The following CHD7 variants were observed in gnomAD, a reference collection of about 807,000 sequenced individuals.
CHD7 encodes the protein ATP-dependent chromatin remodeler CHD7.
In CHD7, 24 loss-of-function variants were observed where a neutral mutation model predicts 307.3. The observed-to-expected ratio is 0.08, with a 90% CI of 0.06 to 0.11. CHD7 has a LOEUF of 0.11. Ranked by LOEUF, CHD7 falls within the 10% of genes least tolerant of loss-of-function variation. The probability of loss-of-function intolerance (pLI) is 1.00; values close to 1 mark genes in which losing one functional copy is unlikely to be tolerated. For missense variants in CHD7, 3,106 were observed against 3,727.1 expected (o/e 0.83, Z 4.34); for synonymous variants, 1,363 against 1,349.9 (o/e 1.01, Z -0.21).
chr8:60,810,974 G>A (rs76265220), intron 7 of CHD7, among the ~76,000 whole-genome samples: 1 of 152,162 alleles, frequency 6.6e-6, no homozygotes, highest in African/African-American at 2.4e-5. Flanking sequence ...GTGAACTCTG[G>A]TTGTGAACTG....
At chr8:60,849,208 T>C in intron 25 of CHD7, 54 bp downstream of exon 25, 1 of 1,118,630 alleles carries the variant, frequency 8.9e-7, no homozygotes, top group Non-Finnish European at 1.3e-6. Context: ...GGTCTTTATT[T>C]AGAACTCTTT....
At chr8:60,779,999 G>C (rs1171462454) in intron 2 of CHD7, among the ~76,000 whole-genome samples, 1 of 152,232 alleles carries the variant, frequency 6.6e-6, no homozygotes, top group Non-Finnish European at 1.5e-5. Flanking sequence ...TTACATGCCA[G>C]AAGAAGCATA....
At chr8:60,690,196 T>TA (rs555574472) in intron 1 of CHD7, among the ~76,000 whole-genome samples, 153 of 145,738 alleles carry the variant, frequency 1.0e-3, no homozygotes, top group Middle Eastern at 3.5e-3. Flanking sequence ...GCCAGGGGAT[T>TA]AAAAAAAAAA....
At chr8:60,815,796 G>A (rs1425021544) in intron 7 of CHD7, among the ~76,000 whole-genome samples, 1 of 152,210 alleles carries the variant, frequency 6.6e-6, no homozygotes, top group Non-Finnish European at 1.5e-5. Context: ...TCCAGGAGCA[G>A]ACAGTGGTTC....
At chr8:60,780,478 ATGACT>A (rs1811154976) in intron 2 of CHD7, among the ~76,000 whole-genome samples, 1 of 152,224 alleles carries the variant, frequency 6.6e-6, no homozygotes, top group South Asian at 2.1e-4. Flanking sequence ...TAAACCAGAA[ATGACT>A]TGTATTGTAT....
chr8:60,838,344 C>T, intron 19 of CHD7, 89 bp downstream of exon 19: 1 of 1,162,594 alleles, frequency 8.6e-7, no homozygotes. Context: ...TTACAAGATG[C>T]ATTGGGAATT....
At chr8:60,816,942 A>C (rs908981391) in intron 8 of CHD7, among the ~76,000 whole-genome samples, 1 of 152,184 alleles carries the variant, frequency 6.6e-6, no homozygotes, top group Non-Finnish European at 1.5e-5. Context: ...AGTTCACTAA[A>C]CTCATTTTCG....
chr8:60,816,113 G>GTCTGTCTGTCTCTCTCTCTC (rs58405811), intron 7 of CHD7, among the ~76,000 whole-genome samples: 95 of 139,310 alleles, frequency 6.8e-4, no homozygotes, highest in African/African-American at 2.6e-3. Context: ...CTGTCTGTCT[G>GTCTGTCTGTCTCTCTCTCTC]TCTCTCTCTC....
chr8:60,746,613 C>A (rs907778858), intron 2 of CHD7, among the ~76,000 whole-genome samples: 6 of 152,182 alleles, frequency 3.9e-5, no homozygotes, highest in African/African-American at 7.2e-5. Flanking sequence ...CTTAACTCTT[C>A]TTGAGTTTTT....
intron 16 of CHD7, among the ~76,000 whole-genome samples, chr8:60,836,602 C>T (rs574818387): frequency 3.3e-5 from 5 of 152,062 alleles, no homozygotes; most frequent in African/African-American, 1.2e-4. Flanking sequence ...TTAACTATTT[C>T]CCTGGAGAGG....
At position 60,789,920 on chromosome 8, in the gene CHD7, A is replaced by T. The variant is rs909416412; in HGVS notation, c.2097-5066A>T. On this transcript the variant is annotated intron_variant, in intron 3 of 37. Coordinates refer to ENST00000423902, the MANE Select transcript of CHD7 (RefSeq NM_017780.4). ...TTGTGTTCTTCAAATGCCTGCTTCT[A>T]AGAGTTTGCATTAAGTTGGTGTATG... Among the ~76,000 whole-genome samples the T allele has an allele frequency of 2.0e-5, 3 of 152,218 alleles. 1 individual carries two copies. The highest frequency in any genetic ancestry group is 2.9e-5 in the Non-Finnish European group (2 of 68,034).
Position 60,860,967 on chromosome 8 carries a change from C to A in CHD7, c.7672C>A (p.Pro2558Thr). Reference protein sequence around the residue: ...DIETPPTRNIPSPGQLDPDTR... With the variant: ...DIETPPTRNITSPGQLDPDTR... The stretch of plus-strand genomic sequence containing the variant: ...AGAGACCCCACCAACAAGAAACATT[C>A]CTTCTCCCGGACAGCTGGACCCAGA... Residue 2558 changes from proline to threonine, a missense_variant, in exon 35 of 38, where the codon CCT becomes ACT. Pro to Thr is a conservative substitution (Grantham distance 38). Transcript: ENST00000423902. The A allele has an allele frequency of 6.2e-7, 1 of 1,614,006 alleles. No individual in the cohort carries two copies. Among genetic ancestry groups the A allele is most frequent in the Non-Finnish European group, 8.5e-7 (1 of 1,179,894 alleles).
chr8:60,808,401 C>T, intron 7 of CHD7, 129 bp downstream of exon 7: 1 of 641,134 alleles, frequency 1.6e-6, no homozygotes, highest in Non-Finnish European at 2.7e-6. Context: ...GCCTGGGAGG[C>T]CATTTTTTAA....
chr8:60,730,462 A>T (rs1271754592), intron 1 of CHD7, among the ~76,000 whole-genome samples: 2 of 152,204 alleles, frequency 1.3e-5, no homozygotes. Flanking sequence ...ATTAATGATA[A>T]ATGTAGGTAC....
intron 19 of CHD7, among the ~76,000 whole-genome samples, chr8:60,841,343 C>T (rs909687672): frequency 1.3e-5 from 2 of 152,208 alleles, no homozygotes; most frequent in Admixed American, 6.5e-5. Flanking sequence ...CTTTTCTTTT[C>T]GGTTTCCAGC....
chr8:60,855,587 A>G (rs1563663859), intron 32 of CHD7, among the ~76,000 whole-genome samples: 1 of 152,222 alleles, frequency 6.6e-6, no homozygotes. Flanking sequence ...GCAAGAAGCT[A>G]ATGCAGGGTT....
Position 60,742,626 on chromosome 8 carries a change from C to T in CHD7, c.1194C>T (p.Pro398=), listed in dbSNP as rs1266640902. 1 of 1,612,472 alleles carries T rather than the reference C, an allele frequency of 6.2e-7. No homozygotes were observed. Among genetic ancestry groups the T allele is most frequent in the East Asian group, 2.2e-5 (1 of 44,866 alleles). Residue 398 remains proline, a synonymous_variant, in exon 2 of 38, where the codon CCC becomes CCT. Coordinates refer to ENST00000423902, the MANE Select transcript of CHD7 (RefSeq NM_017780.4). ...GTYASPPPMS[P]MKAMSNPAGT... The stretch of plus-strand genomic sequence containing the variant: ...ATGCCTCTCCACCTCCCATGTCACC[C>T]ATGAAAGCAATGAGTAATCCAGCAG...
At chr8:60,770,238 C>A (rs1810645655) in intron 2 of CHD7, among the ~76,000 whole-genome samples, 1 of 152,204 alleles carries the variant, frequency 6.6e-6, no homozygotes, top group Admixed American at 6.5e-5. Context: ...GAGAGAAAAT[C>A]TGACTGTAAA....
In CHD7 at chr8:60,867,460, G is replaced by C. The variant is rs1016742173; in HGVS notation, c.*1527G>C. On this transcript the variant is annotated 3_prime_UTR_variant, in exon 38 of 38. Coordinates refer to ENST00000423902, the MANE Select transcript of CHD7 (RefSeq NM_017780.4). ...GCACGGTCTCAGGAGCTACTGATTTGTGGACCCCTTTTTGACCTTTGGTAT... is the reference window on the plus strand; with the variant it reads ...GCACGGTCTCAGGAGCTACTGATTTCTGGACCCCTTTTTGACCTTTGGTAT... The C allele has an allele frequency of 6.6e-6, 1 of 152,234 alleles. No homozygotes were observed. The highest frequency in any genetic ancestry group is 2.4e-5 in the African/African-American group (1 of 41,468). The allele number at this position is 152,234 out of a possible 1,614,324, so 9.4% of individuals were successfully genotyped here.
Sources: gnomAD v4.1 joint callset for allele counts (sites outside exome capture counted in the v4.1 genomes callset) on GRCh38, gnomAD v4.1.1 for gene constraint, MANE v1.5 for transcripts, NCBI Gene and HGNC (gene_info 2026-07-23, HGNC 2026-07-21) for gene names.